Variants in ZNF429 observed in about 807,000 individuals in gnomAD.
The protein encoded by ZNF429 is zinc finger protein 429.
Under a neutral mutation model 56.8 loss-of-function variants are expected in ZNF429, and 53 were observed. The ratio of observed to expected loss-of-function variants is 0.93; its 90% CI spans 0.75 to 1.17. ZNF429 has a LOEUF of 1.17. Ranked by LOEUF, ZNF429 falls within the 50% of genes most tolerant of loss-of-function variation. The probability of loss-of-function intolerance (pLI) is 0.00; values close to 1 mark genes in which losing one functional copy is unlikely to be tolerated. For missense variants in ZNF429, 849 were observed against 788.4 expected, an observed-to-expected ratio of 1.08 and a Z score of -0.92; for synonymous variants, 278 against 264.7, an observed-to-expected ratio of 1.05 and a Z score of -0.49.
intron 1 of ZNF429, chr19:21,528,961 T>A (rs1184471835): frequency 1.3e-5 from 2 of 152,166 alleles, no homozygotes; most frequent in East Asian, 1.9e-4. Flanking sequence ...ATTTTTTCTT[T>A]ATTATTAACT....
At chr19:21,510,438 CAAGA>C (rs1171582032) in intron 1 of ZNF429, among the ~76,000 whole-genome samples, 1 of 151,916 alleles carries the variant, frequency 6.6e-6, no homozygotes, top group Admixed American at 6.6e-5. Flanking sequence ...TGATCACACG[CAAGA>C]AAGAATTTAG....
At chr19:21,528,413 T>C (rs2650760) in intron 1 of ZNF429, among the ~76,000 whole-genome samples, 28,625 of 152,082 alleles carry the variant, frequency 0.19, 2,741 homozygotes, top group Middle Eastern at 0.22. Flanking sequence ...CTAAAAATTA[T>C]AGAACACTTG....
At chr19:21,535,359 TTC>T in intron 3 of ZNF429, among the ~76,000 whole-genome samples, 763 of 54,128 alleles carry the variant, frequency 0.014, 52 homozygotes, top group African/African-American at 0.019. Flanking sequence ...CTTTCTTTTC[TTC>T]TTTCTTTCTT....
rs778437174 is a variant in ZNF429, at chr19:21,538,035, G to A, written c.1982G>A (p.Gly661Asp). The change falls in exon 4 of 4, where the codon GGT becomes GAT. Residue 661 changes from glycine (G) to aspartate (D), a missense_variant. By Grantham distance (94) the Gly-to-Asp change is moderately conservative. Transcript: ENST00000358491. ...AATCCCAGCACTTTGGGAGGCAGAG[G>A]TGGGCGGATCACGAGGTCAGGAGAT... Reference protein sequence around the residue: ...ACNPSTLGGRGGRITRSGDRD... With the variant: ...ACNPSTLGGRDGRITRSGDRD... 25 of 1,588,148 alleles carry A rather than the reference G, an allele frequency of 1.6e-5. No individual in the cohort carries two copies. Among genetic ancestry groups the A allele is most frequent in the South Asian group, 1.0e-4 (9 of 90,350 alleles).
Position 21,537,534 on chromosome 19 carries a change from C to T in ZNF429, c.1481C>T (p.Ser494Leu). 3 of 1,613,608 alleles carry T rather than the reference C, an allele frequency of 1.9e-6. No homozygotes were observed. Among genetic ancestry groups the T allele is most frequent in the Non-Finnish European group, 1.7e-6 (2 of 1,179,952 alleles). Residue 494 changes from serine to leucine, a missense_variant, in exon 4 of 4, where the codon TCA (serine) becomes TTA (leucine). Physicochemically the swap from Ser to Leu is moderately radical, Grantham distance 145. Transcript: ENST00000358491. ...TGTGGCAAAGCCTTTAAGCAGTCCT[C>T]AAACCTTAACAGTCATAAAAAAATT... Reference protein sequence around the residue: ...EECGKAFKQSSNLNSHKKIHS... With the variant: ...EECGKAFKQSLNLNSHKKIHS...
chr19:21,507,852 G>A (rs1039496987), intron 1 of ZNF429, among the ~76,000 whole-genome samples: 10 of 152,176 alleles, frequency 6.6e-5, no homozygotes, highest in African/African-American at 1.9e-4. Context: ...CACCCAGCCC[G>A]ACTTTCCTTT....
intron 1 of ZNF429, among the ~76,000 whole-genome samples, chr19:21,518,184 G>T (rs73019714): frequency 2.9e-5 from 4 of 137,828 alleles, no homozygotes; most frequent in African/African-American, 1.1e-4. Context: ...TTGATCTTTT[G>T]TATGACTTCT....
chr19:21,510,304 A>G (rs925485445), intron 1 of ZNF429, among the ~76,000 whole-genome samples: 7 of 152,164 alleles, frequency 4.6e-5, no homozygotes, highest in Admixed American at 4.6e-4. Context: ...ATGGGGTTGT[A>G]TGTTGGCTCA....
At chr19:21,535,970 TG>T in intron 3 of ZNF429, among the ~76,000 whole-genome samples, 1 of 152,220 alleles carries the variant, frequency 6.6e-6, no homozygotes, top group Non-Finnish European at 1.5e-5. Flanking sequence ...CCAAAGGCAC[TG>T]TGTTTTATTG....
At chr19:21,517,567 C>CT (rs369063304) in intron 1 of ZNF429, among the ~76,000 whole-genome samples, 1,485 of 151,412 alleles carry the variant, frequency 9.8e-3, no homozygotes, top group African/African-American at 0.034. Context: ...GGGTCCTAGG[C>CT]TTTTTTTGGC....
chr19:21,535,412 T>TCTC lies in ZNF429; in HGVS notation c.227-868_227-867insCTC. Among the ~76,000 whole-genome samples, 3 of 55,384 alleles carry TCTC rather than the reference T, an allele frequency of 5.4e-5. 1 individual carries two copies. Among genetic ancestry groups the TCTC allele is most frequent in the African/African-American group, 2.9e-4 (3 of 10,202 alleles). 36.3% of individuals were successfully genotyped at this position (55,384 alleles called of 152,430 possible). A position where few individuals can be genotyped will look rare whatever the true frequency, so the allele number is the denominator to read the frequency against. On this transcript the variant is annotated intron_variant, in intron 3 of 3. Coordinates refer to ENST00000358491, the MANE Select transcript of ZNF429 (RefSeq NM_001001415.4). ...TTCTTTCTTTCTTTCTTTCTTTTTCTTTTCTTTCTTTCTTTCTTTCTTTCT... is the reference window on the plus strand; with the variant it reads ...TTCTTTCTTTCTTTCTTTCTTTTTCTCTCTTTCTTTCTTTCTTTCTTTCTTTCT...
At chr19:21,516,868 T>C (rs1032840317) in intron 1 of ZNF429, among the ~76,000 whole-genome samples, 5 of 152,202 alleles carry the variant, frequency 3.3e-5, no homozygotes, top group African/African-American at 4.8e-5. Context: ...TTTCTAGATA[T>C]AGAATCATGT....
intron 2 of ZNF429, among the ~76,000 whole-genome samples, 185 bp downstream of exon 2, chr19:21,529,969 G>C: frequency 6.6e-6 from 1 of 152,058 alleles, no homozygotes; most frequent in Admixed American, 6.6e-5. Context: ...AGGCCAAGGC[G>C]GGTGGATCAC....
At chr19:21,508,922 A>G (rs181836725) in intron 1 of ZNF429, among the ~76,000 whole-genome samples, 5 of 152,256 alleles carry the variant, frequency 3.3e-5, no homozygotes, top group East Asian at 3.9e-4. Context: ...TCTCTGTTCT[A>G]TATCCTGTTA....
In ZNF429 at chr19:21,538,003, T is replaced by C. The variant is rs757411249; in HGVS notation, c.1950T>C (p.His650=). ...TTCATAGGATGGGTGTGGTGGCTCA[T>C]GCCTGTAATCCCAGCACTTTGGGAG... ...KKIHRMGVVA[H]ACNPSTLGGR... Residue 650 remains histidine, a synonymous_variant, in exon 4 of 4, where the codon CAT becomes CAC. Coordinates refer to ENST00000358491, the MANE Select transcript of ZNF429 (RefSeq NM_001001415.4). The C allele has an allele frequency of 6.2e-6, 10 of 1,612,754 alleles. No homozygotes were observed. Among genetic ancestry groups the C allele is most frequent in the South Asian group, 3.3e-5 (3 of 91,026 alleles).
At chr19:21,527,411 G>A (rs574132578) in intron 1 of ZNF429, among the ~76,000 whole-genome samples, 10 of 152,282 alleles carry the variant, frequency 6.6e-5, no homozygotes, top group African/African-American at 2.4e-4. Flanking sequence ...AAGCATCCAT[G>A]TTGTTTTAAT....
intron 1 of ZNF429, among the ~76,000 whole-genome samples, chr19:21,508,910 T>C (rs1271285897): frequency 6.6e-6 from 1 of 152,234 alleles, no homozygotes; most frequent in East Asian, 1.9e-4. Flanking sequence ...TGACAGTGAA[T>C]ATCTCTGTTC....
At chr19:21,509,578 G>A (rs1599430890) in intron 1 of ZNF429, among the ~76,000 whole-genome samples, 1 of 152,154 alleles carries the variant, frequency 6.6e-6, no homozygotes, top group East Asian at 1.9e-4. Context: ...TCTTTCTGGG[G>A]AGCCTCCCCT....
At chr19:21,511,005 C>A (rs1006732557) in intron 1 of ZNF429, among the ~76,000 whole-genome samples, 15 of 152,278 alleles carry the variant, frequency 9.9e-5, no homozygotes, top group East Asian at 3.9e-4. Context: ...CAGCAACCAT[C>A]CGATTTCTCA....
Sources: gnomAD v4.1 joint callset for allele counts (sites outside exome capture counted in the v4.1 genomes callset) on GRCh38, gnomAD v4.1.1 for gene constraint, MANE v1.5 for transcripts, NCBI Gene and HGNC (gene_info 2026-07-23, HGNC 2026-07-21) for gene names.